Variants in MYO10 observed in about 807,000 individuals in gnomAD.
MYO10 encodes myosin X.
In MYO10, 133 loss-of-function variants were observed where a neutral mutation model predicts 257.3. The observed-to-expected ratio is 0.52, with a 90% CI of 0.45 to 0.60. The LOEUF is 0.60. MYO10 is among the 20% of genes least tolerant of loss of function. The probability of loss-of-function intolerance (pLI) is 0.00; values close to 1 mark genes in which losing one functional copy is unlikely to be tolerated. For synonymous variants in MYO10, 1,104 were observed against 1,028.6 expected (o/e 1.07, Z -1.40); for missense variants, 2,399 against 2,635.7 (o/e 0.91, Z 1.97).
At chr5:16,720,025 T>TGTGTGC (rs879763482) in intron 19 of MYO10, among the ~76,000 whole-genome samples, 1 of 134,790 alleles carries the variant, frequency 7.4e-6, no homozygotes, top group Non-Finnish European at 1.5e-5. Context: ...TGTGTGTGTA[T>TGTGTGC]ATGTATGTAT....
intron 19 of MYO10, among the ~76,000 whole-genome samples, chr5:16,748,621 A>AGAGGGAGG (rs34338717): frequency 5.0e-4 from 68 of 135,518 alleles, no homozygotes; most frequent in East Asian, 7.4e-4. Flanking sequence ...AGAGAGGGAG[A>AGAGGGAGG]GAGGGAGGGA....
chr5:16,683,847 G>A lies in MYO10; in HGVS notation c.4046+33C>T, dbSNP rs777815576. 6 of 1,608,802 alleles carry A rather than the reference G, an allele frequency of 3.7e-6. No homozygotes were observed. In the East Asian group the frequency reaches 1.1e-4, roughly 30 times the overall value. ...ACCTGTGGACACACACAGGTGATGA[G>A]CTGTTTTTGTTAAGAGCCACATCTG... is the stretch of plus-strand genomic sequence containing the variant. On this transcript the variant is annotated intron_variant, in intron 30 of 40. Transcript: ENST00000513610.
At chr5:16,852,140 A>G (rs1580074298) in intron 2 of MYO10, among the ~76,000 whole-genome samples, 1 of 140,176 alleles carries the variant, frequency 7.1e-6, no homozygotes, top group Admixed American at 7.3e-5. Context: ...GGAGGGAGGG[A>G]GGGTGGTTGG....
Position 16,701,370 on chromosome 5 carries a change from T to A in MYO10, c.3025A>T (p.Asn1009Tyr). The A allele has an allele frequency of 1.9e-6, 3 of 1,613,998 alleles. No individual in the cohort carries two copies. The highest frequency in any genetic ancestry group is 2.5e-6 in the Non-Finnish European group (3 of 1,179,896). Reference protein sequence around the residue: ...ADDDAFKDSPNPSEHGHSDQR... With the variant: ...ADDDAFKDSPYPSEHGHSDQR... ...TCTGAGTGGCCGTGCTCGCTGGGGT[T>A]GGGGGAGTCCTTGAAGGCGTCGTCG... The change falls in exon 25 of 41, where the codon AAC becomes TAC. Residue 1009 changes from asparagine (N) to tyrosine (Y), a missense_variant. Physicochemically the swap from Asn to Tyr is moderately radical, Grantham distance 143. This residue lies in a region of MYO10 where 1,820 missense variants were observed against 1,939.4 expected (regional missense o/e 0.94). Coordinates refer to ENST00000513610, the MANE Select transcript of MYO10 (RefSeq NM_012334.3). This position sits in a 1 kb window ranked among gnomAD's most constrained non-coding sequence, Gnocchi z 8.1.
chr5:16,885,695 G>C (rs76219124), intron 1 of MYO10, among the ~76,000 whole-genome samples: 3 of 152,002 alleles, frequency 2.0e-5, no homozygotes, highest in African/African-American at 7.2e-5. Flanking sequence ...AAAAAAAACG[G>C]CGGGGGTTGG....
intron 1 of MYO10, among the ~76,000 whole-genome samples, chr5:16,911,841 C>G (rs1745666047): frequency 6.6e-6 from 1 of 151,812 alleles, no homozygotes; most frequent in Admixed American, 6.6e-5. Flanking sequence ...AGTTCGAGAC[C>G]AGCCTGGCCA....
chr5:16,700,550 A>C (rs1737997585), intron 25 of MYO10, among the ~76,000 whole-genome samples: 1 of 152,068 alleles, frequency 6.6e-6, no homozygotes. Context: ...GCTGGCGGGC[A>C]TCTGTAATCC....
chr5:16,842,012 G>A (rs1419400220), intron 2 of MYO10, among the ~76,000 whole-genome samples: 1 of 151,524 alleles, frequency 6.6e-6, no homozygotes, highest in Admixed American at 6.6e-5. Context: ...TTGGGGTGGG[G>A]GGGCTTGGTG....
At chr5:16,897,667 G>A (rs1745253802) in intron 1 of MYO10, among the ~76,000 whole-genome samples, 1 of 152,148 alleles carries the variant, frequency 6.6e-6, no homozygotes, top group Non-Finnish European at 1.5e-5. Flanking sequence ...TGAAAATCTA[G>A]TGCAACATCC....
At chr5:16,743,381 G>A (rs370733399) in intron 19 of MYO10, among the ~76,000 whole-genome samples, 2 of 152,080 alleles carry the variant, frequency 1.3e-5, no homozygotes, top group Non-Finnish European at 2.9e-5. Context: ...GGTGGCTTAC[G>A]TCTGTAATCC....
chr5:16,913,175 A>G (rs1227003362), intron 1 of MYO10, among the ~76,000 whole-genome samples: 1 of 15,236 alleles, frequency 6.6e-5, no homozygotes, highest in Non-Finnish European at 1.7e-4. Context: ...GTTATAGAGG[A>G]AAAAAAAATC....
chr5:16,776,895 C>T (rs1185271223), intron 9 of MYO10, among the ~76,000 whole-genome samples: 3 of 152,160 alleles, frequency 2.0e-5, no homozygotes, highest in Non-Finnish European at 4.4e-5. Context: ...TGTGGATAAT[C>T]AGGTGTCTTG....
At chr5:16,870,760 C>T (rs1166286798) in intron 2 of MYO10, among the ~76,000 whole-genome samples, 5 of 152,052 alleles carry the variant, frequency 3.3e-5, no homozygotes, top group Admixed American at 3.3e-4. Flanking sequence ...GGCATGGTGG[C>T]ATGCGCCTGT....
intron 2 of MYO10, among the ~76,000 whole-genome samples, chr5:16,852,400 G>A (rs1258957310): frequency 6.6e-6 from 1 of 151,958 alleles, no homozygotes; most frequent in Non-Finnish European, 1.5e-5. Context: ...ATCAGTTAGG[G>A]TCTTATTTTC....
At chr5:16,732,975 A>G (rs1739646454) in intron 19 of MYO10, among the ~76,000 whole-genome samples, 1 of 152,174 alleles carries the variant, frequency 6.6e-6, no homozygotes, top group Non-Finnish European at 1.5e-5. Context: ...CTCTACTAAA[A>G]GTACAAAAAT....
chr5:16,918,429 C>T (rs915592827), intron 1 of MYO10, among the ~76,000 whole-genome samples: 1 of 151,792 alleles, frequency 6.6e-6, no homozygotes, highest in Non-Finnish European at 1.5e-5. Flanking sequence ...TGATGAAATT[C>T]AGTGTGGCCT....
chr5:16,767,477 A>T (rs1199482085), intron 10 of MYO10, among the ~76,000 whole-genome samples: 3 of 152,030 alleles, frequency 2.0e-5, no homozygotes, highest in Non-Finnish European at 4.4e-5. Flanking sequence ...CCCAGCCCCC[A>T]ACTGTCTTTC....
At position 16,671,480 on chromosome 5, in the gene MYO10, A is replaced by G. The variant is rs1736457953; in HGVS notation, c.5372T>C (p.Phe1791Ser). The change falls in exon 38 of 41, where the codon TTC (phenylalanine) becomes TCC (serine). Residue 1791 changes from phenylalanine (F) to serine (S), a missense_variant. By Grantham distance (155) the Phe-to-Ser change is radical (BLOSUM62 -2). This residue lies in a region of MYO10 where 1,820 missense variants were observed against 1,939.4 expected (regional missense o/e 0.94). Transcript: ENST00000513610. ...TTTTGGCACGTTGTCTGTGTCCAGGAAGCAGTAAAGTTTGAAGTAGAATTT... is the reference window on the plus strand; with the variant it reads ...TTTTGGCACGTTGTCTGTGTCCAGGGAGCAGTAAAGTTTGAAGTAGAATTT... ...PWKFYFKLYC[F>S]LDTDNVPKDS... 6.2e-7 allele frequency: 1 copy of G among 1,614,000 alleles called. No homozygotes were observed. The highest frequency in any genetic ancestry group is 8.5e-7 in the Non-Finnish European group (1 of 1,179,876).
At chr5:16,743,269 C>T (rs932506942) in intron 19 of MYO10, among the ~76,000 whole-genome samples, 2 of 152,180 alleles carry the variant, frequency 1.3e-5, no homozygotes, top group African/African-American at 2.4e-5. Flanking sequence ...AGTCCTAACT[C>T]GCAAGTTGAT....
Sources: allele counts gnomAD v4.1 joint callset (sites outside exome capture counted in the v4.1 genomes callset), GRCh38; gene constraint gnomAD v4.1.1; regional missense constraint gnomAD v4.1.1; non-coding constraint Gnocchi (gnomAD v3.1); transcripts MANE v1.5; gene names NCBI Gene and HGNC (gene_info 2026-07-23, HGNC 2026-07-21).